The following DACH1 variants were observed in gnomAD, a reference collection of about 807,000 sequenced individuals.
DACH1 encodes dachshund homolog 1.
In DACH1, 12 loss-of-function variants were observed where a neutral mutation model predicts 54.2. The observed-to-expected ratio is 0.22, with a 90% CI of 0.14 to 0.36. The LOEUF is 0.36. DACH1 is among the 10% of genes least tolerant of loss of function. The pLI, the probability that DACH1 is intolerant of heterozygous loss-of-function variation, is 1.00. For missense variants in DACH1, 805 were observed against 929.8 expected (o/e 0.87, Z 1.75); for synonymous variants, 386 against 366.2 (o/e 1.05, Z -0.62).
chr13:71,749,718 C>G (rs1253001264), intron 1 of DACH1, among the ~76,000 whole-genome samples: 1 of 152,156 alleles, frequency 6.6e-6, no homozygotes. Flanking sequence ...AGGAACAACA[C>G]TTGGGAAACT....
chr13:71,554,228 TAAAA>T (rs1169217130), intron 6 of DACH1, among the ~76,000 whole-genome samples: 1 of 151,976 alleles, frequency 6.6e-6, no homozygotes, highest in Non-Finnish European at 1.5e-5. Context: ...AAAAACTAGA[TAAAA>T]GAAGGTACAC....
chr13:71,720,955 A>G (rs1165505198), intron 1 of DACH1, among the ~76,000 whole-genome samples: 1 of 152,172 alleles, frequency 6.6e-6, no homozygotes, highest in Non-Finnish European at 1.5e-5. Context: ...TGCATTATAA[A>G]ATGCATTTCT....
At chr13:71,456,922 T>C (rs1566270253) in intron 10 of DACH1, among the ~76,000 whole-genome samples, 1 of 152,030 alleles carries the variant, frequency 6.6e-6, no homozygotes, top group African/African-American at 2.4e-5. Context: ...AGACACTTGA[T>C]GACTCTATTA....
At chr13:71,660,186 C>T (rs1052007112) in intron 2 of DACH1, among the ~76,000 whole-genome samples, 2 of 152,054 alleles carry the variant, frequency 1.3e-5, no homozygotes, top group East Asian at 1.9e-4. Context: ...TAAGTGCTGG[C>T]AGCCGAAATT....
chr13:71,808,112 A>G (rs569133796), intron 1 of DACH1, among the ~76,000 whole-genome samples: 1 of 152,278 alleles, frequency 6.6e-6, no homozygotes, highest in African/African-American at 2.4e-5. Context: ...CGTCTTCACC[A>G]TACCCACTTA....
At chr13:71,682,904 C>T (rs546102403) in intron 1 of DACH1, among the ~76,000 whole-genome samples, 15 of 152,246 alleles carry the variant, frequency 9.9e-5, no homozygotes, top group Non-Finnish European at 2.2e-4. Flanking sequence ...TTTTCACTTT[C>T]TGCCTCTGTA....
intron 1 of DACH1, among the ~76,000 whole-genome samples, chr13:71,842,687 A>C (rs538540216): frequency 5.9e-5 from 9 of 152,232 alleles, no homozygotes; most frequent in Non-Finnish European, 8.8e-5. Context: ...AAGATGGTAA[A>C]GGATTATGGG....
chr13:71,718,051 G>C (rs1883059758), intron 1 of DACH1, among the ~76,000 whole-genome samples: 1 of 151,984 alleles, frequency 6.6e-6, no homozygotes, highest in Admixed American at 6.6e-5. Context: ...GGATCACCTA[G>C]AAGGCCCCAG....
chr13:71,751,010 T>C (rs1294599750), intron 1 of DACH1, among the ~76,000 whole-genome samples: 1 of 152,194 alleles, frequency 6.6e-6, no homozygotes, highest in Non-Finnish European at 1.5e-5. Context: ...GGAATGTAAA[T>C]AGTCAGGAGA....
intron 1 of DACH1, chr13:71,704,782 A>G (rs925204381): frequency 1.2e-5 from 2 of 161,256 alleles, no homozygotes; most frequent in Non-Finnish European, 2.7e-5. Context: ...GTCCTAATTT[A>G]TTGTGTAACG....
rs1274116998 is a variant in DACH1, at chr13:71,439,369, A to AAGAC, written c.*1282_*1285dup. On this transcript the variant is annotated 3_prime_UTR_variant, in exon 11 of 11. Coordinates refer to ENST00000613252, the MANE Select transcript of DACH1 (RefSeq NM_080759.6). Reference sequence around the variant, plus strand: ...GAAAACACATACTGTAACTTTCAAAAAGACAGTGAAAATAACACATAGCCA... The same window carrying AAGAC: ...GAAAACACATACTGTAACTTTCAAAAAGACAGACAGTGAAAATAACACATAGCCA... 6.6e-6 allele frequency: 1 copy of AAGAC among 152,456 alleles called. No homozygotes were observed. The highest frequency in any genetic ancestry group is 1.9e-4 in the East Asian group (1 of 5,190). 9.4% of individuals were successfully genotyped at this position (152,456 alleles called of 1,614,324 possible). A position where few individuals can be genotyped will look rare whatever the true frequency, so the allele number is the denominator to read the frequency against.
chr13:71,832,812 A>G (rs911436416), intron 1 of DACH1, among the ~76,000 whole-genome samples: 1 of 151,880 alleles, frequency 6.6e-6, no homozygotes, highest in Non-Finnish European at 1.5e-5. Flanking sequence ...TCTCATTTCA[A>G]TTGTATTTAA....
In DACH1 at chr13:71,552,898, A is replaced by C. The variant is rs568143483; in HGVS notation, c.1570+4126T>G. Among the ~76,000 whole-genome samples the C allele has an allele frequency of 2.2e-3, 296 of 135,902 alleles. 7 individuals carry two copies. The highest frequency in any genetic ancestry group is 0.016 in the Admixed American group (210 of 13,152). The allele number at this position is 135,902 out of a possible 152,430, so 89.2% of individuals were successfully genotyped here. A position where few individuals can be genotyped will look rare whatever the true frequency, so the allele number is the denominator to read the frequency against. ...AGAGAGAGAAAGAGACAGAACTAAT[A>C]GACCAGGTGTGGTAGCTCACGCCCT... On this transcript the variant is annotated intron_variant, in intron 6 of 10. Coordinates refer to ENST00000613252, the MANE Select transcript of DACH1 (RefSeq NM_080759.6).
chr13:71,542,353 G>T (rs1049230137), intron 6 of DACH1, among the ~76,000 whole-genome samples: 30 of 151,962 alleles, frequency 2.0e-4, no homozygotes, highest in Non-Finnish European at 2.4e-4. Context: ...GTACATTGTG[G>T]TTCAGATAAA....
At chr13:71,506,928 C>T (rs1220852885) in intron 6 of DACH1, among the ~76,000 whole-genome samples, 7 of 151,104 alleles carry the variant, frequency 4.6e-5, no homozygotes, top group African/African-American at 1.5e-4. Context: ...AAGACTTAAA[C>T]GTTAGACCTA....
chr13:71,800,370 A>G (rs1029244461), intron 1 of DACH1, among the ~76,000 whole-genome samples: 4 of 152,180 alleles, frequency 2.6e-5, no homozygotes, highest in African/African-American at 9.6e-5. Flanking sequence ...ACACAAGGGA[A>G]AACACAAGAG....
In DACH1 at chr13:71,853,393, G is replaced by A. The variant is rs572974232; in HGVS notation, c.848+12529C>T. 2.8e-4 allele frequency among the ~76,000 whole-genome samples: 42 copies of A among 152,278 alleles called. 1 individual carries two copies. The highest frequency in any genetic ancestry group is 3.4e-3 in the Middle Eastern group (1 of 294). ...TCAATGAGAAGTCTGTGCTTTTGGTGTGAACTCATCTTGAGTGATCTTTTA... is the reference window on the plus strand; with the variant it reads ...TCAATGAGAAGTCTGTGCTTTTGGTATGAACTCATCTTGAGTGATCTTTTA... On this transcript the variant is annotated intron_variant, in intron 1 of 10. Coordinates refer to ENST00000613252, the MANE Select transcript of DACH1 (RefSeq NM_080759.6).
intron 1 of DACH1, among the ~76,000 whole-genome samples, chr13:71,748,954 CTCTTTCTT>C (rs1884794955): frequency 2.3e-5 from 1 of 43,376 alleles, no homozygotes; most frequent in African/African-American, 7.9e-5. Flanking sequence ...CTTTCTTTCT[CTCTTTCTT>C]TCTCTCTCTC....
At chr13:71,835,805 A>AC (rs1406518412) in intron 1 of DACH1, among the ~76,000 whole-genome samples, 9 of 151,908 alleles carry the variant, frequency 5.9e-5, no homozygotes, top group Non-Finnish European at 1.0e-4. Flanking sequence ...AACAACAACA[A>AC]AAAAATCACT....
Sources: allele counts gnomAD v4.1 joint callset (sites outside exome capture counted in the v4.1 genomes callset), GRCh38; gene constraint gnomAD v4.1.1; transcripts MANE v1.5; gene names NCBI Gene and HGNC (gene_info 2026-07-23, HGNC 2026-07-21).